The following CACNA2D4 variants were observed in gnomAD, a reference collection of about 807,000 sequenced individuals.
CACNA2D4 encodes the protein calcium voltage-gated channel auxiliary subunit alpha2delta 4.
In CACNA2D4, 157 loss-of-function variants were observed where a neutral mutation model predicts 163.8. The observed-to-expected ratio is 0.96, with a 90% CI of 0.84 to 1.09. The LOEUF (loss-of-function observed/expected upper bound fraction) is 1.09. Ranked by LOEUF, CACNA2D4 falls within the 50% of genes least tolerant of loss-of-function variation. The pLI, the probability that CACNA2D4 is intolerant of heterozygous loss-of-function variation, is 0.00. For synonymous variants in CACNA2D4, 598 were observed against 586.9 expected, an observed-to-expected ratio of 1.02 and a Z score of -0.27; for missense variants, 1,410 against 1,479.9, an observed-to-expected ratio of 0.95 and a Z score of 0.78.
chr12:1,917,192 CCT>C lies in CACNA2D4; in HGVS notation c.227+1053_227+1054del, dbSNP rs1429232743. 2.0e-5 allele frequency among the ~76,000 whole-genome samples: 3 copies of C among 152,146 alleles called. No individual in the cohort carries two copies. Among genetic ancestry groups the C allele is most frequent in the Non-Finnish European group, 4.4e-5 (3 of 68,024 alleles). ...GGGGAAGTCACCTGACCTCTCGGGGCCTCTGTTTCCTCAGCTGCAAAATAGGG... is the reference window on the plus strand; with the variant it reads ...GGGGAAGTCACCTGACCTCTCGGGGCCTGTTTCCTCAGCTGCAAAATAGGG... On this transcript the variant is annotated intron_variant, in intron 1 of 37. Transcript: ENST00000382722. This position sits in a 1 kb window ranked among gnomAD's most constrained non-coding sequence, Gnocchi z 4.3.
chr12:1,842,268 T>G (rs1865042354), intron 25 of CACNA2D4, among the ~76,000 whole-genome samples: 1 of 152,154 alleles, frequency 6.6e-6, no homozygotes, highest in Non-Finnish European at 1.5e-5. Flanking sequence ...GAGGCTCTGC[T>G]GTGTGCGGAC....
chr12:1,864,231 G>A (rs1865591114), intron 18 of CACNA2D4, among the ~76,000 whole-genome samples: 1 of 152,194 alleles, frequency 6.6e-6, no homozygotes, highest in African/African-American at 2.4e-5. Context: ...CCTTTGTAAG[G>A]CTTAAATCTG....
intron 14 of CACNA2D4, 142 bp downstream of exon 14, chr12:1,879,662 T>C (rs1006892230): frequency 1.0e-5 from 7 of 697,128 alleles, no homozygotes; most frequent in Non-Finnish European, 1.5e-5. Flanking sequence ...GTAGCTACTC[T>C]GGGACAGGCC....
At position 1,834,692 on chromosome 12, in the gene CACNA2D4, G is replaced by A. The variant is rs1164210408; in HGVS notation, c.2551+6047C>T. 5 of 1,601,348 alleles carry A rather than the reference G, an allele frequency of 3.1e-6. No individual in the cohort carries two copies. In the African/African-American group the frequency reaches 5.3e-5, roughly 17 times the overall value. On this transcript the variant is annotated intron_variant, in intron 26 of 37. Coordinates refer to ENST00000382722, the MANE Select transcript of CACNA2D4 (RefSeq NM_172364.5). The surrounding 1 kb of genome is among the most constrained non-coding windows in gnomAD (Gnocchi z 7.6). Reference sequence around the variant, plus strand: ...GGGGGACCCCGAGGGCGAGCACGAGGACCAGAAGCAGATCTCTTCTGTGGC... The same window carrying A: ...GGGGGACCCCGAGGGCGAGCACGAGAACCAGAAGCAGATCTCTTCTGTGGC...
chr12:1,884,705 G>T, intron 11 of CACNA2D4, 63 bp downstream of exon 11: 1 of 1,081,900 alleles, frequency 9.2e-7, no homozygotes. Context: ...GGTCCCTGCT[G>T]GTGATCCCAT....
At chr12:1,815,310 G>A (rs1863838351) in intron 26 of CACNA2D4, among the ~76,000 whole-genome samples, 1 of 144,116 alleles carries the variant, frequency 6.9e-6, no homozygotes. Flanking sequence ...TCTCACCCCA[G>A]GGCATTTGTA....
At chr12:1,841,430 G>A (rs1313241098) in intron 25 of CACNA2D4, among the ~76,000 whole-genome samples, 1 of 152,222 alleles carries the variant, frequency 6.6e-6, no homozygotes, top group African/African-American at 2.4e-5. Context: ...AGGCCACAGG[G>A]CTTGCCTCGC....
intron 9 of CACNA2D4, among the ~76,000 whole-genome samples, chr12:1,885,760 T>C (rs186642976): frequency 6.6e-6 from 1 of 152,328 alleles, no homozygotes; most frequent in African/African-American, 2.4e-5. Flanking sequence ...ATGAGGTCTC[T>C]ATCTGCTCAC....
intron 4 of CACNA2D4, 127 bp downstream of exon 4, chr12:1,909,779 G>C: frequency 2.7e-6 from 2 of 737,136 alleles, no homozygotes; most frequent in Non-Finnish European, 4.7e-6. Context: ...GCCTGTGAGG[G>C]GTGAGCAGTA....
At chr12:1,910,087 T>A in intron 3 of CACNA2D4, 122 bp from the exon 4 acceptor site, 2 of 782,248 alleles carry the variant, frequency 2.6e-6, no homozygotes, top group Non-Finnish European at 4.5e-6. Context: ...CCAGAAGGAT[T>A]GAAAACAGGG....
chr12:1,856,424 G>A (rs2154448378), intron 20 of CACNA2D4, among the ~76,000 whole-genome samples, 195 bp from the exon 21 acceptor site: 1 of 152,340 alleles, frequency 6.6e-6, no homozygotes, highest in East Asian at 1.9e-4. Context: ...TCTTCTCATT[G>A]TTTCATGTCC....
At position 1,878,360 on chromosome 12, in the gene CACNA2D4, G is replaced by A. The variant is rs1865923679; in HGVS notation, c.1674C>T (p.Asn558=). 2 of 1,608,510 alleles carry A rather than the reference G, an allele frequency of 1.2e-6. No individual in the cohort carries two copies. The highest frequency in any genetic ancestry group is 1.7e-6 in the Non-Finnish European group (2 of 1,177,660). Residue 558 remains asparagine (N), a synonymous_variant, in exon 16 of 38, where the codon AAC becomes AAT. Coordinates refer to ENST00000382722, the MANE Select transcript of CACNA2D4 (RefSeq NM_172364.5). This position sits in a 1 kb window ranked among gnomAD's most constrained non-coding sequence, Gnocchi z 4.6. ...KLGVHGYAFL[N]TNNGYILSHP... The stretch of plus-strand genomic sequence containing the variant: ...GGGAGAGGATGTAGCCATTGTTGGT[G>A]TTCAGAAAGGCGTATCCGTGCACTC...
intron 26 of CACNA2D4, among the ~76,000 whole-genome samples, chr12:1,824,361 A>G (rs940652774): frequency 6.6e-6 from 1 of 152,206 alleles, no homozygotes; most frequent in South Asian, 2.1e-4. Context: ...CCGCTGGTCC[A>G]TGGACCACAC....
Position 1,800,064 on chromosome 12 carries a change from A to C in CACNA2D4, c.2922-12T>G, listed in dbSNP as rs767625899. On this transcript the variant is annotated splice_polypyrimidine_tract_variant and intron_variant, in intron 32 of 37. Coordinates refer to ENST00000382722, the MANE Select transcript of CACNA2D4 (RefSeq NM_172364.5). The stretch of plus-strand genomic sequence containing the variant: ...ACTCCAGCAGGAACCTGTCAGACAC[A>C]GGACTGAATCTCGGAGACCTCTGAG... 2.5e-6 allele frequency: 4 copies of C among 1,595,250 alleles called. No homozygotes were observed. The highest frequency in any genetic ancestry group is 3.4e-6 in the Non-Finnish European group (4 of 1,170,956).
At chr12:1,832,977 A>T (rs1864696978) in intron 26 of CACNA2D4, among the ~76,000 whole-genome samples, 1 of 152,130 alleles carries the variant, frequency 6.6e-6, no homozygotes, top group African/African-American at 2.4e-5. Flanking sequence ...TGTTCCTGGG[A>T]TGTGAGGTTT....
At chr12:1,907,705 GCGTGTCTGGTGGA>G in intron 5 of CACNA2D4, 134 bp from the exon 6 acceptor site, 1 of 1,193,544 alleles carries the variant, frequency 8.4e-7, no homozygotes, top group East Asian at 2.6e-5. Context: ...TGCCTGGTGG[GCGTGTCTGGTGGA>G]CGGCCTGGTG....
rs372828410 is a variant in CACNA2D4, at chr12:1,858,570, G to A, written c.2008+7C>T. ...TAACTGTCCCTCAGCCCCTGGTACC[G>A]ACCCACCTTCTTCCACAGACGTGTT... On this transcript the variant is annotated splice_region_variant and intron_variant, in intron 20 of 37. Coordinates refer to ENST00000382722, the MANE Select transcript of CACNA2D4 (RefSeq NM_172364.5). 2.5e-5 allele frequency: 41 copies of A among 1,613,178 alleles called. No individual in the cohort carries two copies. The highest frequency in any genetic ancestry group is 3.2e-5 in the Non-Finnish European group (38 of 1,179,474).
In CACNA2D4 at chr12:1,833,217, G is replaced by A. The variant is rs1864707796; in HGVS notation, c.2551+7522C>T. ...TCCCAGGGAAAGATTGATGCCTATT[G>A]TATGAGGAGACTTGCGGCAGATGGG... On this transcript the variant is annotated intron_variant, in intron 26 of 37. Coordinates refer to ENST00000382722, the MANE Select transcript of CACNA2D4 (RefSeq NM_172364.5). The surrounding 1 kb of genome is among the most constrained non-coding windows in gnomAD (Gnocchi z 4.2). Among the ~76,000 whole-genome samples the A allele has an allele frequency of 1.3e-5, 2 of 152,240 alleles. No homozygotes were observed. Among genetic ancestry groups the A allele is most frequent in the Non-Finnish European group, 2.9e-5 (2 of 68,040 alleles).
At chr12:1,862,869 T>C (rs1362111489) in intron 18 of CACNA2D4, among the ~76,000 whole-genome samples, 1 of 152,238 alleles carries the variant, frequency 6.6e-6, no homozygotes, top group Non-Finnish European at 1.5e-5. Flanking sequence ...GTATTTTGGA[T>C]ACAAGTCTGC....
Sources: allele counts gnomAD v4.1 joint callset (sites outside exome capture counted in the v4.1 genomes callset), GRCh38; gene constraint gnomAD v4.1.1; non-coding constraint Gnocchi (gnomAD v3.1); transcripts MANE v1.5; gene names NCBI Gene and HGNC (gene_info 2026-07-23, HGNC 2026-07-21).